MATR3: variants seen among roughly 807,000 people sequenced by gnomAD.
MATR3 encodes matrin-3.
MATR3 carries 4 observed loss-of-function variants against 85.5 expected under a neutral mutation model. The observed-to-expected ratio is 0.05, with a 90% CI of 0.02 to 0.11. The LOEUF is 0.11. Among genes scored for constraint, MATR3 ranks in the 10% least tolerant of loss-of-function variants. The probability of loss-of-function intolerance (pLI) is 1.00; values close to 1 mark genes in which losing one functional copy is unlikely to be tolerated. For synonymous variants in MATR3, 336 were observed against 343.1 expected (o/e 0.98, Z 0.23); for missense variants, 685 against 1,016.1 (o/e 0.67, Z 4.43).
chr5:139,326,370 G>A, intron 14 of MATR3, 86 bp downstream of exon 14: 1 of 1,293,540 alleles, frequency 7.7e-7, no homozygotes, highest in Non-Finnish European at 1.1e-6. Flanking sequence ...TGTGTATAGT[G>A]TTCTCTCTAG....
At chr5:139,315,506 T>A (rs1031234555) in intron 3 of MATR3, 191 bp from the exon 4 acceptor site, 47 of 544,594 alleles carry the variant, frequency 8.6e-5, no homozygotes, top group African/African-American at 8.3e-4. Context: ...AAGTTTATTC[T>A]CGTGGATTAT....
Position 139,277,313 on chromosome 5 carries a change from T to A in MATR3, c.-257+1163T>A, listed in dbSNP as rs187955737. On this transcript the variant is annotated intron_variant, in intron 2 of 16. Coordinates refer to ENST00000509990, the Ensembl canonical transcript of MATR3. ...CCACTGCACCGTGCCTGGCCTGGAATGCTAATCTTTTGAGAAGAGATGACC... is the reference window on the plus strand; with the variant it reads ...CCACTGCACCGTGCCTGGCCTGGAAAGCTAATCTTTTGAGAAGAGATGACC... Among the ~76,000 whole-genome samples, 1,312 of 152,194 alleles carry A rather than the reference T, an allele frequency of 8.6e-3. 7 individuals carry two copies. The highest frequency in any genetic ancestry group is 0.014 in the Admixed American group (220 of 15,270).
chr5:139,307,363 T>C lies in MATR3; in HGVS notation c.-53T>C. ...AGTTTGAGCTTTCTTTTTGGCCGTC[T>C]TTAAAAAAATTTTTTTTTTTAATCT... On this transcript the variant is annotated 5_prime_UTR_variant, in exon 2 of 15. Coordinates refer to ENST00000394805, the MANE Select transcript of MATR3 (RefSeq NM_018834.6). The surrounding 1 kb of genome is among the most constrained non-coding windows in gnomAD (Gnocchi z 4.4). 1 of 1,569,238 alleles carries C rather than the reference T, an allele frequency of 6.4e-7. No homozygotes were observed. Among genetic ancestry groups the C allele is most frequent in the Non-Finnish European group, 8.6e-7 (1 of 1,165,054 alleles).
At chr5:139,320,966 C>T (rs1303217218) in intron 9 of MATR3, among the ~76,000 whole-genome samples, 4 of 148,292 alleles carry the variant, frequency 2.7e-5, no homozygotes, top group Admixed American at 1.4e-4. Context: ...TCACCATCCA[C>T]AGGATGGTCT....
At chr5:139,314,855 C>A in intron 3 of MATR3, 119 bp downstream of exon 3, 1 of 848,056 alleles carries the variant, frequency 1.2e-6, no homozygotes, top group Non-Finnish European at 2.0e-6. Context: ...CATAGTGGTA[C>A]TGTATGGACA....
intron 3 of MATR3, among the ~76,000 whole-genome samples, chr5:139,285,902 A>G (rs556206972): frequency 6.6e-6 from 1 of 152,328 alleles, no homozygotes; most frequent in South Asian, 2.1e-4. Context: ...AGCCTATGGG[A>G]CACCATCAGG....
chr5:139,316,940 T>C (rs1308712698), intron 5 of MATR3, 113 bp from the exon 6 acceptor site: 2 of 799,962 alleles, frequency 2.5e-6, no homozygotes, highest in Non-Finnish European at 4.3e-6. Flanking sequence ...ATGGTAATCA[T>C]ATATTTGTAA....
At chr5:139,293,253 A>G (rs1753943485), upstream of MATR3, 1 of 152,128 alleles carries the variant, frequency 6.6e-6, no homozygotes, top group African/African-American at 2.4e-5. Context: ...CAGTTTATTT[A>G]TGATAAATAA....
chr5:139,319,233 G>C, intron 8 of MATR3, 101 bp from the exon 9 acceptor site: 1 of 1,364,560 alleles, frequency 7.3e-7, no homozygotes, highest in Non-Finnish European at 1.0e-6. Context: ...GCAAGACCTC[G>C]TCTCTATAAA....
Position 139,331,119 on chromosome 5 carries a change from T to C in MATR3, c.*1724T>C, listed in dbSNP as rs1257082163. The C allele has an allele frequency of 6.6e-6, 3 of 454,016 alleles. No homozygotes were observed. The Admixed American group carries it at 7.0e-5, about 11-fold the overall frequency. 28.1% of individuals were successfully genotyped at this position (454,016 alleles called of 1,614,324 possible). A position where few individuals can be genotyped will look rare whatever the true frequency, so the allele number is the denominator to read the frequency against. ...AAACAAAGTTTTAATTTCAAAAAAA[T>C]CTACAAAAACAGGATAGGCATTGTC... is the stretch of plus-strand genomic sequence containing the variant. On this transcript the variant is annotated 3_prime_UTR_variant, in exon 15 of 15. Coordinates refer to ENST00000394805, the MANE Select transcript of MATR3 (RefSeq NM_018834.6).
intron 3 of MATR3, among the ~76,000 whole-genome samples, chr5:139,284,877 TAAA>T (rs1288170756): frequency 6.6e-6 from 1 of 152,220 alleles, no homozygotes; most frequent in African/African-American, 2.4e-5. Flanking sequence ...TGGGGTTCTA[TAAA>T]AAATAAAATC....
intron 14 of MATR3, among the ~76,000 whole-genome samples, chr5:139,327,556 G>A (rs1323104528): frequency 6.6e-6 from 1 of 152,000 alleles, no homozygotes. Context: ...TGAGTATCTG[G>A]GATTACAGGC....
intron 10 of MATR3, 102 bp from the exon 11 acceptor site, chr5:139,322,361 A>G (rs1755615766): frequency 9.1e-7 from 1 of 1,098,226 alleles, no homozygotes; most frequent in African/African-American, 1.5e-5. Context: ...ACGGGAATTG[A>G]ATAAGCTGAG....
intron 7 of MATR3, among the ~76,000 whole-genome samples, chr5:139,318,151 G>A (rs1295729484): frequency 4.6e-5 from 7 of 151,962 alleles, no homozygotes; most frequent in Admixed American, 4.6e-4. Flanking sequence ...CTTTGTTTTG[G>A]GAGTCGGAGT....
At chr5:139,306,561 A>G (rs1285258614) in intron 1 of MATR3, among the ~76,000 whole-genome samples, 2 of 152,208 alleles carry the variant, frequency 1.3e-5, no homozygotes, top group Non-Finnish European at 2.9e-5. Flanking sequence ...TGAAGTAAAC[A>G]CTGCCTGATG....
intron 1 of MATR3, chr5:139,294,024 C>A: frequency 7.8e-7 from 1 of 1,278,532 alleles, no homozygotes; most frequent in Non-Finnish European, 9.9e-7. Flanking sequence ...TCTAGGGCGG[C>A]GGAGGTGAGC....
At chr5:139,279,353 C>G in intron 3 of MATR3, 3 of 322,012 alleles carry the variant, frequency 9.3e-6, no homozygotes, top group South Asian at 7.7e-5. Context: ...CTCAGCCTCC[C>G]GAGTAGCTGG....
At chr5:139,290,972 G>A (rs1337748544), upstream of MATR3, among the ~76,000 whole-genome samples, 1 of 152,064 alleles carries the variant, frequency 6.6e-6, no homozygotes, top group East Asian at 1.9e-4. Context: ...CAGGGAAATG[G>A]CCCTTTCCTA....
At chr5:139,304,844 C>A (rs1754628523) in intron 1 of MATR3, among the ~76,000 whole-genome samples, 1 of 152,130 alleles carries the variant, frequency 6.6e-6, no homozygotes, top group Non-Finnish European at 1.5e-5. Flanking sequence ...ATTGTGCTGC[C>A]TTTGCTAATA....
Sources: gnomAD v4.1 joint callset for allele counts (sites outside exome capture counted in the v4.1 genomes callset) on GRCh38, gnomAD v4.1.1 for gene constraint, Gnocchi (gnomAD v3.1) non-coding constraint, MANE v1.5 for transcripts, NCBI Gene and HGNC (gene_info 2026-07-23, HGNC 2026-07-21) for gene names.